ZNHIT6: variants seen among roughly 807,000 people sequenced by gnomAD.
The protein encoded by ZNHIT6 is zinc finger HIT-type containing 6.
In ZNHIT6, 45 loss-of-function variants were observed where a neutral mutation model predicts 57.2. The observed-to-expected ratio is 0.79, with a 90% confidence interval of 0.62 to 1.01. The LOEUF (loss-of-function observed/expected upper bound fraction) is 1.01, where lower values mean the gene tolerates loss of function less well. Ranked by LOEUF, ZNHIT6 falls within the 50% of genes least tolerant of loss-of-function variation. ZNHIT6 has a pLI of 0.00. For missense variants in ZNHIT6, 528 were observed against 567.3 expected (o/e 0.93, Z 0.70); for synonymous variants, 188 against 190.0 (o/e 0.99, Z 0.09).
At chr1:85,699,776 C>T (rs548579245) in intron 5 of ZNHIT6, among the ~76,000 whole-genome samples, 2 of 152,044 alleles carry the variant, frequency 1.3e-5, no homozygotes, top group African/African-American at 4.8e-5. Flanking sequence ...CTGTTTAATA[C>T]CGTGTTATGT....
chr1:85,708,001 T>C lies in ZNHIT6; in HGVS notation c.284A>G (p.Gln95Arg). The C allele has an allele frequency of 1.9e-6, 3 of 1,613,826 alleles. No individual in the cohort carries two copies. The highest frequency in any genetic ancestry group is 1.7e-6 in the Non-Finnish European group (2 of 1,179,960). ...ATCCTCCACCTCCTGTTCTACCCACTGGCCAGCCAACCTGCCTTCTGTACC... is the reference window on the plus strand; with the variant it reads ...ATCCTCCACCTCCTGTTCTACCCACCGGCCAGCCAACCTGCCTTCTGTACC... Reference protein sequence around the residue: ...WPGTEGRLAGQWVEQEVEDRP... With the variant: ...WPGTEGRLAGRWVEQEVEDRP... Residue 95 changes from glutamine (Q) to arginine (R), a missense_variant, in exon 1 of 10, where the codon CAG becomes CGG. Physicochemically the swap from Gln to Arg is conservative, Grantham distance 43. Transcript: ENST00000370574.
At chr1:85,676,397 A>G (rs1046568971) in intron 8 of ZNHIT6, among the ~76,000 whole-genome samples, 2 of 151,858 alleles carry the variant, frequency 1.3e-5, no homozygotes, top group African/African-American at 2.4e-5. Flanking sequence ...TCACTGGAGT[A>G]GCACTTTTAA....
At chr1:85,691,807 A>C (rs979524046) in intron 5 of ZNHIT6, among the ~76,000 whole-genome samples, 1 of 152,074 alleles carries the variant, frequency 6.6e-6, no homozygotes, top group Non-Finnish European at 1.5e-5. Flanking sequence ...AATCATTTGA[A>C]CCCAAGAGGC....
At position 85,695,370 on chromosome 1, in the gene ZNHIT6, C is replaced by T. The variant is rs577948149; in HGVS notation, c.1019+6787G>A. ...ATCTTAAAAAGGAGAACAAAATGAT[C>T]CTAAAAAGGTCTGAAAAAATGTTTA... On this transcript the variant is annotated intron_variant, in intron 5 of 9. Coordinates refer to ENST00000370574, the MANE Select transcript of ZNHIT6 (RefSeq NM_017953.4). Among the ~76,000 whole-genome samples the T allele has an allele frequency of 5.8e-4, 88 of 152,028 alleles. 3 individuals are homozygous for T. The South Asian group carries it at 0.018, about 31-fold the overall frequency.
At chr1:85,668,612 G>C (rs1421724259) in intron 8 of ZNHIT6, among the ~76,000 whole-genome samples, 3 of 152,058 alleles carry the variant, frequency 2.0e-5, no homozygotes, top group Non-Finnish European at 4.4e-5. Flanking sequence ...TAATTTTTAA[G>C]TTCTAACTTT....
intron 5 of ZNHIT6, 78 bp downstream of exon 5, chr1:85,702,079 G>T: frequency 2.1e-6 from 2 of 931,402 alleles, no homozygotes; most frequent in Non-Finnish European, 3.3e-6. Flanking sequence ...GGGTAGCAAT[G>T]CTCTATAGCA....
rs192057431 is a variant in ZNHIT6 at position 85,702,529 on chromosome 1, C to T, written c.916-269G>A. On this transcript the variant is annotated intron_variant, in intron 4 of 9. Transcript: ENST00000370574. Reference sequence around the variant, plus strand: ...ATTCAAACCCTGGTCTGTCTAATTCCAGAGCTTGTGTTTCTAACCATATGT... The same window carrying T: ...ATTCAAACCCTGGTCTGTCTAATTCTAGAGCTTGTGTTTCTAACCATATGT... 1.9e-3 allele frequency among the ~76,000 whole-genome samples: 290 copies of T among 152,234 alleles called. 1 individual carries two copies. Among genetic ancestry groups the T allele is most frequent in the Non-Finnish European group, 3.0e-3 (201 of 68,010 alleles).
At chr1:85,674,612 C>T (rs1431473762) in intron 8 of ZNHIT6, among the ~76,000 whole-genome samples, 1 of 152,196 alleles carries the variant, frequency 6.6e-6, no homozygotes, top group Non-Finnish European at 1.5e-5. Context: ...AAATAATTTA[C>T]ATTGTTTCCT....
chr1:85,662,856 A>G (rs896946519), intron 8 of ZNHIT6, among the ~76,000 whole-genome samples: 1 of 152,202 alleles, frequency 6.6e-6, no homozygotes, highest in Non-Finnish European at 1.5e-5. Context: ...AAATTATCCT[A>G]TTCTAACCAT....
chr1:85,659,589 G>C (rs947853681), intron 8 of ZNHIT6, among the ~76,000 whole-genome samples: 1 of 152,130 alleles, frequency 6.6e-6, no homozygotes, highest in Non-Finnish European at 1.5e-5. Flanking sequence ...ATTTAAATTT[G>C]CTGTAATTTT....
intron 8 of ZNHIT6, among the ~76,000 whole-genome samples, chr1:85,666,779 A>G (rs569764394): frequency 5.9e-5 from 9 of 152,326 alleles, no homozygotes; most frequent in African/African-American, 1.9e-4. Flanking sequence ...CACTTGACAT[A>G]TTCCCTTTCT....
intron 1 of ZNHIT6, among the ~76,000 whole-genome samples, chr1:85,707,015 AT>A (rs1416896649): frequency 6.6e-6 from 1 of 152,214 alleles, no homozygotes; most frequent in African/African-American, 2.4e-5. Context: ...GTAACCCATC[AT>A]CTGTCCTCAA....
chr1:85,675,731 T>C (rs1661682461), intron 8 of ZNHIT6, among the ~76,000 whole-genome samples: 1 of 152,220 alleles, frequency 6.6e-6, no homozygotes, highest in Admixed American at 6.5e-5. Context: ...TTGAAAAATC[T>C]GTTTAGTGTA....
intron 5 of ZNHIT6, among the ~76,000 whole-genome samples, chr1:85,683,033 A>G (rs755676959): frequency 6.6e-6 from 1 of 151,872 alleles, no homozygotes; most frequent in Non-Finnish European, 1.5e-5. Flanking sequence ...CCTAGGCAAC[A>G]TGATGATACC....
intron 4 of ZNHIT6, among the ~76,000 whole-genome samples, chr1:85,705,124 G>C (rs892491434): frequency 1.3e-5 from 2 of 152,198 alleles, no homozygotes; most frequent in African/African-American, 4.8e-5. Flanking sequence ...AGTTCACAAA[G>C]TGCAAGAGTG....
intron 8 of ZNHIT6, among the ~76,000 whole-genome samples, chr1:85,669,276 G>A (rs1661480739): frequency 1.3e-5 from 2 of 151,948 alleles, no homozygotes; most frequent in Admixed American, 6.6e-5. Flanking sequence ...CCTTTACACA[G>A]GTAAAATCAA....
At chr1:85,677,044 T>C (rs1442464531) in intron 8 of ZNHIT6, among the ~76,000 whole-genome samples, 192 bp downstream of exon 8, 1 of 152,202 alleles carries the variant, frequency 6.6e-6, no homozygotes, top group Non-Finnish European at 1.5e-5. Flanking sequence ...AAATAAAATA[T>C]TCTAACCAGG....
At chr1:85,691,875 ACT>A (rs1178029729) in intron 5 of ZNHIT6, among the ~76,000 whole-genome samples, 1 of 151,342 alleles carries the variant, frequency 6.6e-6, no homozygotes, top group East Asian at 1.9e-4. Flanking sequence ...ACAGAGTAAG[ACT>A]CTGTCTCAAC....
intron 1 of ZNHIT6, among the ~76,000 whole-genome samples, chr1:85,707,253 C>T (rs1173678092): frequency 6.6e-6 from 1 of 152,162 alleles, no homozygotes; most frequent in African/African-American, 2.4e-5. Flanking sequence ...TTAACTTAAT[C>T]TACTTTGTCA....
Sources: allele counts gnomAD v4.1 joint callset (sites outside exome capture counted in the v4.1 genomes callset), GRCh38; gene constraint gnomAD v4.1.1; transcripts MANE v1.5; gene names NCBI Gene and HGNC (gene_info 2026-07-23, HGNC 2026-07-21).